LIFR: variants seen among roughly 807,000 people sequenced by gnomAD.
The protein encoded by LIFR is LIF receptor subunit alpha.
A neutral mutation model predicts 122.2 loss-of-function variants in LIFR; 84 were observed. That is an observed-to-expected ratio of 0.69 (90% CI 0.58 to 0.82). The LOEUF is 0.82. Among genes scored for constraint, LIFR ranks in the 40% least tolerant of loss-of-function variants. The pLI, the probability that LIFR is intolerant of heterozygous loss-of-function variation, is 0.00. For missense variants in LIFR, 1,294 were observed against 1,311.6 expected, an observed-to-expected ratio of 0.99 and a Z score of 0.21; for synonymous variants, 422 against 434.7, an observed-to-expected ratio of 0.97 and a Z score of 0.36.
At chr5:38,501,318 T>A (rs1745164288) in intron 11 of LIFR, among the ~76,000 whole-genome samples, 1 of 139,712 alleles carries the variant, frequency 7.2e-6, no homozygotes, top group African/African-American at 2.5e-5. Context: ...ATTCTTCACA[T>A]GTCTTCATGT....
chr5:38,495,329 A>T (rs376367183), intron 13 of LIFR, among the ~76,000 whole-genome samples: 122 of 152,306 alleles, frequency 8.0e-4, no homozygotes, highest in African/African-American at 2.8e-3. Context: ...CTTCTTATGG[A>T]TGTTCACATC....
At chr5:38,559,508 G>T (rs879427499), upstream of LIFR, among the ~76,000 whole-genome samples, 11 of 152,140 alleles carry the variant, frequency 7.2e-5, no homozygotes, top group Admixed American at 5.2e-4. Context: ...CTTTGTCATA[G>T]ACCAGTCTGT....
chr5:38,526,752 A>G (rs1284264873), intron 4 of LIFR, among the ~76,000 whole-genome samples: 2 of 152,156 alleles, frequency 1.3e-5, no homozygotes, highest in African/African-American at 2.4e-5. Flanking sequence ...ACATTACATG[A>G]TATGTAAAAC....
chr5:38,489,993 TCA>T (rs1491388936), intron 15 of LIFR, among the ~76,000 whole-genome samples, 195 bp downstream of exon 15: 4 of 33,280 alleles, frequency 1.2e-4, no homozygotes, highest in African/African-American at 4.4e-4. Context: ...AGACCCTCTC[TCA>T]AAAAAAAAAA....
intron 11 of LIFR, among the ~76,000 whole-genome samples, chr5:38,501,981 GTTT>G (rs201985430): frequency 7.1e-6 from 1 of 141,704 alleles, no homozygotes; most frequent in Non-Finnish European, 1.5e-5. Context: ...TTTAGTAATT[GTTT>G]TTTTTTTTTA....
chr5:38,540,540 T>C (rs1021962771), intron 1 of LIFR, among the ~76,000 whole-genome samples: 1 of 152,134 alleles, frequency 6.6e-6, no homozygotes, highest in Admixed American at 6.5e-5. Context: ...AACTCAAACA[T>C]ACTCCAAGAG....
rs971012803 is a variant in LIFR, at chr5:38,544,151, C to T, written c.-20+12183G>A. On this transcript the variant is annotated intron_variant, in intron 1 of 19. Coordinates refer to ENST00000453190, the MANE Select transcript of LIFR (RefSeq NM_001127671.2). ...CCACCCCCAAATTAAGCGCACCAACCTCTTTTGCCTGAACTGCTATAAGAG... is the reference window on the plus strand; with the variant it reads ...CCACCCCCAAATTAAGCGCACCAACTTCTTTTGCCTGAACTGCTATAAGAG... Among the ~76,000 whole-genome samples, 5 of 152,238 alleles carry T rather than the reference C, an allele frequency of 3.3e-5. No homozygotes were observed. The South Asian group carries it at 6.2e-4, about 19-fold the overall frequency.
chr5:38,524,494 T>C (rs1746571994), intron 4 of LIFR, among the ~76,000 whole-genome samples: 1 of 152,158 alleles, frequency 6.6e-6, no homozygotes, highest in Admixed American at 6.5e-5. Context: ...GGAAAAGATG[T>C]CATGGATATT....
rs577283573 is a variant in LIFR at position 38,535,750 on chromosome 5, C to A, written c.-19-5084G>T. On this transcript the variant is annotated intron_variant, in intron 1 of 19. Coordinates refer to ENST00000453190, the MANE Select transcript of LIFR (RefSeq NM_001127671.2). ...AAAGCAGACACCAAAAACTCTAAGC[C>A]AGCTGGCTGAATGAATACCAAGGCA... Among the ~76,000 whole-genome samples, 13 of 152,278 alleles carry A rather than the reference C, an allele frequency of 8.5e-5. No homozygotes were observed. In the East Asian group the frequency reaches 2.5e-3, roughly 29 times the overall value.
Position 38,504,109 on chromosome 5 carries a change from G to A in LIFR, c.1304C>T (p.Thr435Ile), listed in dbSNP as rs764228036. The A allele has an allele frequency of 4.5e-6, 7 of 1,570,222 alleles. No individual in the cohort carries two copies. The highest frequency in any genetic ancestry group is 2.6e-6 in the Non-Finnish European group (3 of 1,140,660). ...VNITEKVYPH[T>I]PTSFKVKDIN... ...ATCCTTCACTTTGAATGAAGTAGGA[G>A]TATGGGGATAAACTGCAAATATAAT... Residue 435 changes from threonine to isoleucine, a missense_variant, in exon 10 of 20, where the codon ACT becomes ATT. Transcript: ENST00000453190.
intron 1 of LIFR, among the ~76,000 whole-genome samples, chr5:38,562,975 A>G (rs1283024442): frequency 1.3e-5 from 2 of 152,192 alleles, no homozygotes; most frequent in African/African-American, 4.8e-5. Context: ...TTCTTCGGGT[A>G]CCTAATCTGG....
chr5:38,601,132 G>C (rs1297182567), intron 2 of LIFR, among the ~76,000 whole-genome samples: 1 of 152,204 alleles, frequency 6.6e-6, no homozygotes, highest in African/African-American at 2.4e-5. Flanking sequence ...TTTAGGATTA[G>C]ACGAGGTTAC....
intron 1 of LIFR, among the ~76,000 whole-genome samples, chr5:38,567,521 T>TATTTATTTATTA (rs1749064128): frequency 6.7e-6 from 1 of 148,196 alleles, no homozygotes; most frequent in Non-Finnish European, 1.5e-5. Context: ...TTTATTTATT[T>TATTTATTTATTA]ATTTATTTAT....
chr5:38,483,326 CT>C (rs1187019352), intron 18 of LIFR, among the ~76,000 whole-genome samples: 2 of 152,116 alleles, frequency 1.3e-5, no homozygotes, highest in African/African-American at 4.8e-5. Flanking sequence ...GAAAAAATAA[CT>C]TTGTTAATGT....
intron 9 of LIFR, among the ~76,000 whole-genome samples, chr5:38,505,254 G>A (rs1433064331): frequency 6.6e-6 from 1 of 152,174 alleles, no homozygotes; most frequent in Admixed American, 6.5e-5. Flanking sequence ...GAATAGATTC[G>A]TTGTTGTCAA....
At chr5:38,519,126 C>G (rs1330052086) in intron 5 of LIFR, among the ~76,000 whole-genome samples, 1 of 152,038 alleles carries the variant, frequency 6.6e-6, no homozygotes, top group Non-Finnish European at 1.5e-5. Context: ...AAAAAAGTTA[C>G]AGTAAGCTAA....
intron 1 of LIFR, among the ~76,000 whole-genome samples, chr5:38,594,518 G>T (rs1420406498): frequency 6.6e-6 from 1 of 152,116 alleles, no homozygotes; most frequent in East Asian, 1.9e-4. Flanking sequence ...AACATAAGAT[G>T]TTACTAACAG....
chr5:38,528,974 A>G, intron 2 of LIFR, 134 bp from the exon 3 acceptor site: 1 of 636,534 alleles, frequency 1.6e-6, no homozygotes. Context: ...GTCTGCAGAG[A>G]GCCCATGTTT....
upstream of LIFR, chr5:38,559,246 A>G (rs910252451): frequency 1.3e-5 from 2 of 152,250 alleles, no homozygotes; most frequent in African/African-American, 4.8e-5. Context: ...CTGAGGTACA[A>G]TTTGAAGAGT....
Sources: gnomAD v4.1 joint callset for allele counts (sites outside exome capture counted in the v4.1 genomes callset) on GRCh38, gnomAD v4.1.1 for gene constraint, MANE v1.5 for transcripts, NCBI Gene and HGNC (gene_info 2026-07-23, HGNC 2026-07-21) for gene names.